The following PAX3 variants were observed in gnomAD, a reference collection of about 807,000 sequenced individuals.
PAX3 encodes paired box protein Pax-3.
In PAX3, 14 loss-of-function variants were observed where a neutral mutation model predicts 51.6. The observed-to-expected ratio is 0.27, with a 90% confidence interval of 0.18 to 0.42. The LOEUF (loss-of-function observed/expected upper bound fraction) is 0.42, where lower values mean the gene tolerates loss of function less well. Among genes scored for constraint, PAX3 ranks in the 10% least tolerant of loss-of-function variants. PAX3 has a pLI of 1.00. For synonymous variants in PAX3, 280 were observed against 253.4 expected (o/e 1.11, Z -1.00); for missense variants, 540 against 642.8 (o/e 0.84, Z 1.73).
intron 4 of PAX3, among the ~76,000 whole-genome samples, chr2:222,286,757 A>G (rs937052833): frequency 1.3e-5 from 2 of 152,238 alleles, no homozygotes; most frequent in African/African-American, 4.8e-5. Flanking sequence ...CACTTCAACA[A>G]CAGAAATTAC....
chr2:222,245,977 T>C lies in PAX3; in HGVS notation c.587-13694A>G, dbSNP rs536958307. ...GCCTGGGTGACAGAGCGAGACTCTG[T>C]CTCAAAAAGAGACAGAGAGAGAGAG... On this transcript the variant is annotated intron_variant, in intron 4 of 8. Coordinates refer to ENST00000392070, the MANE Select transcript of PAX3 (RefSeq NM_181458.4). Among the ~76,000 whole-genome samples, 46 of 149,942 alleles carry C rather than the reference T, an allele frequency of 3.1e-4. No individual in the cohort carries two copies. In the Middle Eastern group the frequency reaches 0.011, roughly 35 times the overall value.
At position 222,220,316 on chromosome 2, in the gene PAX3, G is replaced by A. The variant is rs967295773; in HGVS notation, c.997C>T (p.Pro333Ser). 1 of 1,614,048 alleles carries A rather than the reference G, an allele frequency of 6.2e-7. No individual in the cohort carries two copies. The highest frequency in any genetic ancestry group is 8.5e-7 in the Non-Finnish European group (1 of 1,179,948). The change falls in exon 7 of 9, where the codon CCG becomes TCG. Residue 333 changes from proline to serine, a missense_variant. Around this residue, in one of 3 missense-constraint regions of PAX3, gnomAD observed 427 missense variants for 483.6 expected, o/e 0.88. Coordinates refer to ENST00000392070, the MANE Select transcript of PAX3 (RefSeq NM_181458.4). ...TGGTGTACAGTGCTTGGAGGAAGCG[G>A]TTGAGGTCTGTGAACGGTGCTGCTG... Reference protein sequence around the residue: ...DPSSTVHRPQPLPPSTVHQST... With the variant: ...DPSSTVHRPQSLPPSTVHQST...
chr2:222,274,645 T>C (rs983435248), intron 4 of PAX3, among the ~76,000 whole-genome samples: 2 of 152,110 alleles, frequency 1.3e-5, no homozygotes, highest in Admixed American at 1.3e-4. Flanking sequence ...CCCTAAAATG[T>C]TTTAATGTTT....
chr2:222,245,581 T>C (rs1298347580), intron 4 of PAX3, among the ~76,000 whole-genome samples: 3 of 151,896 alleles, frequency 2.0e-5, no homozygotes, highest in African/African-American at 7.3e-5. Context: ...CTTGCAGAAC[T>C]GGAGGGAAAT....
intron 7 of PAX3, among the ~76,000 whole-genome samples, chr2:222,210,786 C>T (rs1056794467): frequency 6.6e-6 from 1 of 152,156 alleles, no homozygotes; most frequent in Non-Finnish European, 1.5e-5. Context: ...TACCAACATA[C>T]CGCCTTTCCT....
chr2:222,277,999 G>A (rs186130357), intron 4 of PAX3, among the ~76,000 whole-genome samples: 143 of 148,728 alleles, frequency 9.6e-4, no homozygotes, highest in African/African-American at 3.3e-3. Context: ...ATCAGCTATC[G>A]TGTTAGTGTT....
intron 2 of PAX3, among the ~76,000 whole-genome samples, chr2:222,296,305 A>G (rs578092348): frequency 2.6e-5 from 4 of 152,364 alleles, no homozygotes; most frequent in African/African-American, 9.6e-5. Flanking sequence ...TCGGTTTACC[A>G]TAACCCTCTT....
chr2:222,295,408 C>T lies in PAX3; in HGVS notation c.451+120G>A. 4 of 1,225,718 alleles carry T rather than the reference C, an allele frequency of 3.3e-6. No individual in the cohort carries two copies. The South Asian group carries it at 3.7e-5, about 11-fold the overall frequency. 75.9% of individuals were successfully genotyped at this position (1,225,718 alleles called of 1,614,324 possible). A position where few individuals can be genotyped will look rare whatever the true frequency, so the allele number is the denominator to read the frequency against. ...CGGGTTGGCAAATATTGCAGGGCCT[C>T]GGGAGAGGCCACCTCCCAATAGCTG... On this transcript the variant is annotated intron_variant, in intron 3 of 8. Transcript: ENST00000392070.
intron 4 of PAX3, among the ~76,000 whole-genome samples, chr2:222,254,476 G>A (rs1190204029): frequency 1.3e-5 from 2 of 152,144 alleles, no homozygotes; most frequent in Non-Finnish European, 2.9e-5. Context: ...GAAGACCTTT[G>A]GAAATTTGGG....
In PAX3 at chr2:222,294,757, CG is replaced by C. The variant is rs1222822058; in HGVS notation, c.452-457del. Among the ~76,000 whole-genome samples the C allele has an allele frequency of 1.5e-3, 127 of 82,388 alleles. 1 individual carries two copies. The highest frequency in any genetic ancestry group is 0.013 in the Admixed American group (95 of 7,138). The allele number at this position is 82,388 out of a possible 152,430, so 54.0% of individuals were successfully genotyped here. A position where few individuals can be genotyped will look rare whatever the true frequency, so the allele number is the denominator to read the frequency against. ...GGAAGAACCAAAGCCGACTTGTCCG[CG>C]CCCCCCCCCACCCCCCCGTAAATCA... On this transcript the variant is annotated intron_variant, in intron 3 of 8. Transcript: ENST00000392070.
chr2:222,218,643 G>C (rs1273643939), intron 7 of PAX3, among the ~76,000 whole-genome samples: 2 of 152,146 alleles, frequency 1.3e-5, no homozygotes, highest in Non-Finnish European at 2.9e-5. Flanking sequence ...ATGAATCTGG[G>C]TATTTTAAGG....
intron 4 of PAX3, among the ~76,000 whole-genome samples, chr2:222,251,724 C>G (rs1038079002): frequency 1.3e-5 from 2 of 152,204 alleles, no homozygotes; most frequent in Admixed American, 1.3e-4. Flanking sequence ...ACGGTCCCAC[C>G]AACAGTGTAA....
At chr2:222,263,979 A>G (rs1241706941) in intron 4 of PAX3, 1 of 152,222 alleles carries the variant, frequency 6.6e-6, no homozygotes, top group South Asian at 2.1e-4. Context: ...AGGGACTAAG[A>G]GCAGTAGAGA....
At chr2:222,284,286 A>G (rs1211586795) in intron 4 of PAX3, among the ~76,000 whole-genome samples, 1 of 152,226 alleles carries the variant, frequency 6.6e-6, no homozygotes, top group Admixed American at 6.5e-5. Flanking sequence ...GCATTTTAGG[A>G]ATAAGAATGG....
chr2:222,268,281 T>C (rs1397021347), intron 4 of PAX3, among the ~76,000 whole-genome samples: 6 of 152,218 alleles, frequency 3.9e-5, no homozygotes. Context: ...CCATACACCC[T>C]TGGGGGAATC....
chr2:222,256,310 C>T (rs887144911), intron 4 of PAX3, among the ~76,000 whole-genome samples: 2 of 152,258 alleles, frequency 1.3e-5, no homozygotes, highest in African/African-American at 4.8e-5. Flanking sequence ...TTCCCTCCAG[C>T]CAGCCCGGCA....
Position 222,242,260 on chromosome 2 carries a change from A to T in PAX3, c.587-9977T>A, listed in dbSNP as rs1693044648. ...GAAATCATAGCTATGTAAACTGGTT[A>T]ACTAGAGGCAGAACACAGATCTCTC... is the stretch of plus-strand genomic sequence containing the variant. On this transcript the variant is annotated intron_variant, in intron 4 of 8. Coordinates refer to ENST00000392070, the MANE Select transcript of PAX3 (RefSeq NM_181458.4). 3 of 152,190 alleles carry T rather than the reference A, an allele frequency of 2.0e-5. No homozygotes were observed. In the South Asian group the frequency reaches 6.2e-4, roughly 32 times the overall value. The allele number at this position is 152,190 out of a possible 1,614,324, so 9.4% of individuals were successfully genotyped here.
At position 222,226,117 on chromosome 2, in the gene PAX3, A is replaced by C. The variant is rs184713216; in HGVS notation, c.793-4730T>G. ...TACATTATTCAAGACGGATTACTTC[A>C]AATGCAATTTGAAAAATGGGGAGAG... On this transcript the variant is annotated intron_variant, in intron 5 of 8. Transcript: ENST00000392070. Among the ~76,000 whole-genome samples the C allele has an allele frequency of 2.0e-5, 3 of 152,350 alleles. No homozygotes were observed. The East Asian group carries it at 5.8e-4, about 29-fold the overall frequency.
At chr2:222,236,557 G>A (rs772380208) in intron 4 of PAX3, among the ~76,000 whole-genome samples, 1 of 151,936 alleles carries the variant, frequency 6.6e-6, no homozygotes, top group African/African-American at 2.4e-5. Context: ...AATATTACAC[G>A]GAAAGTAAAA....
Sources: allele counts gnomAD v4.1 joint callset (sites outside exome capture counted in the v4.1 genomes callset), GRCh38; gene constraint gnomAD v4.1.1; regional missense constraint gnomAD v4.1.1; transcripts MANE v1.5; gene names NCBI Gene and HGNC (gene_info 2026-07-23, HGNC 2026-07-21).